Variants in C12orf42 observed in about 807,000 individuals in gnomAD.
C12orf42 encodes the protein uncharacterized protein C12orf42.
In C12orf42, 25 loss-of-function variants were observed where a neutral mutation model predicts 21.6. The ratio of observed to expected loss-of-function variants is 1.16; its 90% CI spans 0.84 to 1.62. The LOEUF (loss-of-function observed/expected upper bound fraction) is 1.62. C12orf42 is among the 40% of genes most tolerant of loss of function. The pLI is 0.00. For synonymous variants in C12orf42, 174 were observed against 175.0 expected (o/e 0.99, Z 0.05); for missense variants, 483 against 459.3 (o/e 1.05, Z -0.47).
chr12:103,276,813 T>G (rs1470444944), intron 5 of C12orf42, among the ~76,000 whole-genome samples: 3 of 152,194 alleles, frequency 2.0e-5, no homozygotes, highest in African/African-American at 4.8e-5. Context: ...ATGAACAGGA[T>G]AGGAGTTTTC....
chr12:103,429,207 T>C (rs1185545752), intron 2 of C12orf42, among the ~76,000 whole-genome samples: 7 of 152,232 alleles, frequency 4.6e-5, no homozygotes. Flanking sequence ...CATGATTGTA[T>C]GTTTAGAAAA....
Position 103,413,402 on chromosome 12 carries a change from T to C in C12orf42, c.79-11727A>G, listed in dbSNP as rs1366761089. ...GATAGTGTGATGCCTCCAGCTTTGT[T>C]CTTTTTGCTTAGGATTACTGTGACT... is the stretch of plus-strand genomic sequence containing the variant. On this transcript the variant is annotated intron_variant, in intron 2 of 5. Coordinates refer to ENST00000548883, the MANE Select transcript of C12orf42 (RefSeq NM_198521.5). Among the ~76,000 whole-genome samples the C allele has an allele frequency of 3.3e-5, 5 of 152,216 alleles. No homozygotes were observed. In the East Asian group the frequency reaches 9.6e-4, roughly 29 times the overall value.
At chr12:103,339,992 G>A (rs917833483) in intron 4 of C12orf42, among the ~76,000 whole-genome samples, 7 of 152,184 alleles carry the variant, frequency 4.6e-5, no homozygotes, top group Non-Finnish European at 8.8e-5. Flanking sequence ...AAAGCACAGT[G>A]AACCCAGAAA....
chr12:103,164,094 T>C, the C12orf42 span, among the ~76,000 whole-genome samples: 10 of 152,102 alleles, frequency 6.6e-5, no homozygotes, highest in Non-Finnish European at 1.2e-4. Flanking sequence ...ATCTGTAAAA[T>C]GGAAAAGCAA....
At chr12:103,518,626 G>A in the C12orf42 span, among the ~76,000 whole-genome samples, 7 of 152,210 alleles carry the variant, frequency 4.6e-5, no homozygotes, top group Middle Eastern at 6.8e-3. Flanking sequence ...ATATGTCCTT[G>A]AAAAGGACAT....
intron 4 of C12orf42, among the ~76,000 whole-genome samples, chr12:103,294,564 A>AGAAAAAGGAAGG (rs1229790200): frequency 8.1e-6 from 1 of 123,308 alleles, no homozygotes; most frequent in African/African-American, 3.1e-5. Flanking sequence ...AAAGAAAGAA[A>AGAAAAAGGAAGG]AAGAAAGGAA....
chr12:103,352,740 G>A (rs929709927), intron 4 of C12orf42, among the ~76,000 whole-genome samples: 1 of 152,116 alleles, frequency 6.6e-6, no homozygotes, highest in Non-Finnish European at 1.5e-5. Flanking sequence ...AAGGGTACCA[G>A]ATCTAAATTG....
the C12orf42 span, among the ~76,000 whole-genome samples, chr12:103,554,164 C>T: frequency 2.3e-3 from 353 of 152,232 alleles, 2 homozygotes; most frequent in African/African-American, 8.3e-3. Flanking sequence ...TATAGACAAT[C>T]CATAAGCAAA....
At chr12:103,073,973 C>T in the C12orf42 span, among the ~76,000 whole-genome samples, 1 of 152,070 alleles carries the variant, frequency 6.6e-6, no homozygotes, top group Non-Finnish European at 1.5e-5. Flanking sequence ...CGAATTTGAA[C>T]CCAATGAGAG....
At chr12:103,101,824 C>G in the C12orf42 span, among the ~76,000 whole-genome samples, 1 of 152,146 alleles carries the variant, frequency 6.6e-6, no homozygotes, top group Non-Finnish European at 1.5e-5. Flanking sequence ...TGGATTTACT[C>G]GTGTGTCTGT....
the C12orf42 span, among the ~76,000 whole-genome samples, chr12:103,508,468 C>T: frequency 6.6e-6 from 1 of 152,024 alleles, no homozygotes; most frequent in East Asian, 1.9e-4. Flanking sequence ...AAAAAAAAGT[C>T]CCAAGCCAAA....
the C12orf42 span, among the ~76,000 whole-genome samples, chr12:103,513,303 A>G: frequency 1.3e-5 from 2 of 152,168 alleles, no homozygotes; most frequent in African/African-American, 4.8e-5. Flanking sequence ...CTATTTGGCC[A>G]TTTTTGCCAT....
At chr12:103,053,985 A>G in the C12orf42 span, among the ~76,000 whole-genome samples, 1 of 151,832 alleles carries the variant, frequency 6.6e-6, no homozygotes, top group East Asian at 1.9e-4. Flanking sequence ...ACACAGTTTG[A>G]TTACTGCACC....
chr12:103,394,556 A>G (rs1031057338), intron 3 of C12orf42, among the ~76,000 whole-genome samples: 3 of 152,386 alleles, frequency 2.0e-5, no homozygotes, highest in Admixed American at 6.5e-5. Flanking sequence ...GTGTTTAACT[A>G]TAATCGCTGA....
chr12:103,227,304 G>T, the C12orf42 span, among the ~76,000 whole-genome samples: 24 of 151,838 alleles, frequency 1.6e-4, 1 homozygote, highest in Admixed American at 1.6e-3. Context: ...AGGGTGCAGA[G>T]ATATAAGAGG....
At chr12:103,360,653 T>C (rs2044013890) in intron 4 of C12orf42, among the ~76,000 whole-genome samples, 1 of 152,124 alleles carries the variant, frequency 6.6e-6, no homozygotes, top group African/African-American at 2.4e-5. Flanking sequence ...CATTGTGTTT[T>C]TAAAAGAATA....
the C12orf42 span, among the ~76,000 whole-genome samples, chr12:103,114,040 G>A: frequency 5.3e-5 from 8 of 151,864 alleles, no homozygotes; most frequent in East Asian, 5.8e-4. Flanking sequence ...TCATGGGGGC[G>A]TTTTCTATTG....
the C12orf42 span, among the ~76,000 whole-genome samples, chr12:103,224,600 G>A: frequency 6.6e-6 from 1 of 152,214 alleles, no homozygotes; most frequent in Non-Finnish European, 1.5e-5. Flanking sequence ...GGTAATTGTG[G>A]GACTTAAAGA....
chr12:103,330,335 TTTATC>T (rs1331617761), intron 4 of C12orf42, among the ~76,000 whole-genome samples: 3 of 152,234 alleles, frequency 2.0e-5, no homozygotes, highest in African/African-American at 7.2e-5. Flanking sequence ...GTCATATTGT[TTTATC>T]TTATTTTGCA....
Sources: gnomAD v4.1 joint callset for allele counts (sites outside exome capture counted in the v4.1 genomes callset) on GRCh38, gnomAD v4.1.1 for gene constraint, MANE v1.5 for transcripts, NCBI Gene and HGNC (gene_info 2026-07-23, HGNC 2026-07-21) for gene names.